ACER3: variants seen among roughly 807,000 people sequenced by gnomAD.
ACER3 encodes the protein alkaline ceramidase 3.
ACER3 carries 16 observed loss-of-function variants against 48.9 expected under a neutral mutation model. The observed-to-expected ratio is 0.33, with a 90% CI of 0.22 to 0.50. The LOEUF is 0.50. ACER3 is among the 20% of genes least tolerant of loss of function. The probability of loss-of-function intolerance (pLI) is 0.98; values close to 1 mark genes in which losing one functional copy is unlikely to be tolerated. For missense variants in ACER3, 227 were observed against 326.0 expected (o/e 0.70, Z 2.34); for synonymous variants, 109 against 107.8 (o/e 1.01, Z -0.07).
At chr11:76,895,201 T>C (rs1367489665) in intron 1 of ACER3, among the ~76,000 whole-genome samples, 6 of 152,232 alleles carry the variant, frequency 3.9e-5, no homozygotes, top group African/African-American at 1.4e-4. Context: ...CATTATTATA[T>C]ACTAAATCCC....
At chr11:76,934,629 G>T (rs1279433402) in intron 2 of ACER3, among the ~76,000 whole-genome samples, 1 of 143,042 alleles carries the variant, frequency 7.0e-6, no homozygotes, top group East Asian at 2.0e-4. Flanking sequence ...AGCCGAGATG[G>T]CAGCAGTACA....
intron 2 of ACER3, among the ~76,000 whole-genome samples, chr11:76,933,127 A>G (rs1403299479): frequency 6.8e-6 from 1 of 147,714 alleles, no homozygotes; most frequent in Non-Finnish European, 1.5e-5. Context: ...TACAAAACAC[A>G]TCAACCTCTT....
intron 1 of ACER3, among the ~76,000 whole-genome samples, chr11:76,863,130 G>A (rs1944984559): frequency 6.6e-6 from 1 of 152,184 alleles, no homozygotes; most frequent in African/African-American, 2.4e-5. Flanking sequence ...AGGAGACTGA[G>A]GTGGGAAGAT....
chr11:76,934,118 C>G (rs1035401663), intron 2 of ACER3, among the ~76,000 whole-genome samples: 2 of 151,718 alleles, frequency 1.3e-5, no homozygotes. Context: ...CTCCTCACTT[C>G]CTAGATGGGA....
intron 7 of ACER3, among the ~76,000 whole-genome samples, chr11:77,004,605 C>G (rs1043080274): frequency 2.0e-5 from 3 of 152,222 alleles, no homozygotes; most frequent in Admixed American, 2.0e-4. Flanking sequence ...TTTTGATGCA[C>G]AGACATTTAG....
intron 1 of ACER3, among the ~76,000 whole-genome samples, chr11:76,872,914 T>C (rs866688777): frequency 1.5e-5 from 2 of 136,428 alleles, no homozygotes; most frequent in Admixed American, 7.1e-5. Flanking sequence ...TCTTTTTCTT[T>C]TTTTTTTTTT....
rs147665775 is a variant in ACER3, at chr11:76,929,636, A to C, written c.214+2969A>C. On this transcript the variant is annotated intron_variant, in intron 2 of 10. Coordinates refer to ENST00000532485, the MANE Select transcript of ACER3 (RefSeq NM_018367.7). Reference sequence around the variant, plus strand: ...CTCTTATTATTTTGAGATATGTCCCATCAGTACCTAATACCTAATTTATTG... The same window carrying C: ...CTCTTATTATTTTGAGATATGTCCCCTCAGTACCTAATACCTAATTTATTG... Among the ~76,000 whole-genome samples the C allele has an allele frequency of 3.8e-3, 581 of 152,308 alleles. 6 individuals are homozygous for C. The highest frequency in any genetic ancestry group is 0.036 in the East Asian group (186 of 5,182).
chr11:76,991,815 CA>C (rs5792751), intron 6 of ACER3, among the ~76,000 whole-genome samples: 35,349 of 122,810 alleles, frequency 0.29, 4,264 homozygotes, highest in Admixed American at 0.42. Context: ...AACTCTGTCT[CA>C]AAAAAAAAAA....
At chr11:77,014,187 A>G (rs1057257365) in intron 7 of ACER3, among the ~76,000 whole-genome samples, 1 of 152,212 alleles carries the variant, frequency 6.6e-6, no homozygotes, top group African/African-American at 2.4e-5. Flanking sequence ...TCAGTACCTC[A>G]CCAAGCTTCA....
At chr11:76,975,379 T>C (rs1948414173) in intron 3 of ACER3, among the ~76,000 whole-genome samples, 1 of 152,168 alleles carries the variant, frequency 6.6e-6, no homozygotes, top group Admixed American at 6.5e-5. Flanking sequence ...CCTAGCTTAG[T>C]GTCTAGCTTG....
chr11:76,895,902 C>T (rs937310156), intron 1 of ACER3, among the ~76,000 whole-genome samples: 3 of 151,970 alleles, frequency 2.0e-5, no homozygotes, highest in Middle Eastern at 6.3e-3. Flanking sequence ...TACTATATAG[C>T]CAACAAAAGG....
chr11:76,866,556 G>A lies in ACER3; in HGVS notation c.103+5477G>A, dbSNP rs528771410. ...AGCTACTCACAATTAGTATACAGTG[G>A]TAACTGAAATTTGAATTGTGTCATT... On this transcript the variant is annotated intron_variant, in intron 1 of 10. Coordinates refer to ENST00000532485, the MANE Select transcript of ACER3 (RefSeq NM_018367.7). 1.2e-4 allele frequency among the ~76,000 whole-genome samples: 18 copies of A among 152,300 alleles called. No individual in the cohort carries two copies. The South Asian group carries it at 3.5e-3, about 30-fold the overall frequency.
chr11:76,887,612 A>T (rs1335702462), intron 1 of ACER3, among the ~76,000 whole-genome samples: 2 of 152,178 alleles, frequency 1.3e-5, no homozygotes, highest in Non-Finnish European at 2.9e-5. Flanking sequence ...TGTGAAGGTC[A>T]AATGAGGAAA....
intron 3 of ACER3, among the ~76,000 whole-genome samples, chr11:76,973,746 T>G (rs1948367940): frequency 1.3e-5 from 2 of 152,234 alleles, no homozygotes; most frequent in African/African-American, 4.8e-5. Flanking sequence ...TGAAGTACAC[T>G]TTATCTGTTT....
At chr11:77,015,322 A>G (rs1023512429) in intron 8 of ACER3, 1 of 438,822 alleles carries the variant, frequency 2.3e-6, no homozygotes, top group Admixed American at 4.1e-5. Flanking sequence ...CTATTTCATA[A>G]CCTCTGTAGG....
intron 2 of ACER3, among the ~76,000 whole-genome samples, chr11:76,948,235 G>A (rs879377315): frequency 1.8e-3 from 271 of 150,828 alleles, no homozygotes; most frequent in Non-Finnish European, 2.8e-3. Flanking sequence ...GTGTGTGTGT[G>A]TGTGTGTGTG....
chr11:76,910,267 T>TATA (rs1038719084), intron 1 of ACER3, among the ~76,000 whole-genome samples: 4 of 152,028 alleles, frequency 2.6e-5, no homozygotes, highest in East Asian at 1.9e-4. Context: ...GTACATAAAG[T>TATA]ATAATAATAA....
chr11:76,878,858 C>T (rs1438269929), intron 1 of ACER3, among the ~76,000 whole-genome samples: 2 of 152,014 alleles, frequency 1.3e-5, no homozygotes, highest in Non-Finnish European at 2.9e-5. Flanking sequence ...TTTATCCATT[C>T]TGGAGTGTGT....
chr11:76,886,514 T>C (rs1945675289), intron 1 of ACER3, among the ~76,000 whole-genome samples: 2 of 152,172 alleles, frequency 1.3e-5, no homozygotes, highest in Admixed American at 1.3e-4. Context: ...AATTATATGA[T>C]TGAAAAGGAA....
Sources: gnomAD v4.1 joint callset for allele counts (sites outside exome capture counted in the v4.1 genomes callset) on GRCh38, gnomAD v4.1.1 for gene constraint, MANE v1.5 for transcripts, NCBI Gene and HGNC (gene_info 2026-07-23, HGNC 2026-07-21) for gene names.